EDIL3: variants seen among roughly 807,000 people sequenced by gnomAD.
The protein encoded by EDIL3 is EGF like and discoidin domains 3.
A neutral mutation model predicts 67.4 loss-of-function variants in EDIL3; 37 were observed. That is an observed-to-expected ratio of 0.55 (90% CI 0.42 to 0.72). The LOEUF is 0.72. EDIL3 is among the 30% of genes least tolerant of loss of function. The probability of loss-of-function intolerance (pLI) is 0.00; values close to 1 mark genes in which losing one functional copy is unlikely to be tolerated. For missense variants in EDIL3, 527 were observed against 586.3 expected (o/e 0.90, Z 1.04); for synonymous variants, 195 against 196.3 (o/e 0.99, Z 0.05).
In EDIL3 at chr5:84,254,256, T is replaced by C. The variant is rs531157106; in HGVS notation, c.68-44A>G. ...CCGAAATTGACATTTTTTTTTTGTC[T>C]TGGACATTGAAACATACTAGTTTAC... On this transcript the variant is annotated intron_variant, in intron 1 of 10. Transcript: ENST00000296591. 1.4e-4 allele frequency: 216 copies of C among 1,578,940 alleles called. 2 individuals carry two copies. In the South Asian group the frequency reaches 2.3e-3, roughly 17 times the overall value.
chr5:84,249,019 A>C (rs535674249), intron 2 of EDIL3, among the ~76,000 whole-genome samples: 1 of 152,288 alleles, frequency 6.6e-6, no homozygotes, highest in Admixed American at 6.5e-5. Flanking sequence ...AAATTTTTTT[A>C]AACACTGTAC....
intron 1 of EDIL3, among the ~76,000 whole-genome samples, chr5:84,334,256 G>A (rs1443094718): frequency 6.6e-6 from 1 of 151,942 alleles, no homozygotes; most frequent in African/African-American, 2.4e-5. Flanking sequence ...TAGAGACAGA[G>A]TTTCACCATG....
chr5:84,123,362 T>A (rs1349048374), intron 5 of EDIL3, among the ~76,000 whole-genome samples: 1 of 152,042 alleles, frequency 6.6e-6, no homozygotes, highest in Non-Finnish European at 1.5e-5. Flanking sequence ...TTTCTAATAG[T>A]CTTGTGTTTC....
At chr5:84,162,071 G>A (rs113529569) in intron 4 of EDIL3, among the ~76,000 whole-genome samples, 19 of 152,228 alleles carry the variant, frequency 1.2e-4, no homozygotes, top group African/African-American at 4.6e-4. Flanking sequence ...GATCCCAGGT[G>A]TGTGCCCACT....
At chr5:83,971,090 C>T (rs1169893107) in intron 9 of EDIL3, among the ~76,000 whole-genome samples, 1 of 151,272 alleles carries the variant, frequency 6.6e-6, no homozygotes, top group Non-Finnish European at 1.5e-5. Flanking sequence ...CAGAGAGTTT[C>T]TCCATTCTGT....
Position 84,064,764 on chromosome 5 carries a change from G to C in EDIL3, c.888C>G (p.Leu296=), listed in dbSNP as rs201445443. The change falls in exon 8 of 11, where the codon CTC becomes CTG. Residue 296 remains leucine (L), a synonymous_variant. Coordinates refer to ENST00000296591, the MANE Select transcript of EDIL3 (RefSeq NM_005711.5). The part of the protein sequence containing the change: ...TPPIKAQYVR[L]YPQVCRRHCT... Reference sequence around the variant, plus strand: ...AATGTCTTCGACAAACTTGGGGATAGAGTCTTACATACTGAGCTTTTATGG... The same window carrying C: ...AATGTCTTCGACAAACTTGGGGATACAGTCTTACATACTGAGCTTTTATGG... 6.5e-5 allele frequency: 105 copies of C among 1,613,912 alleles called. No homozygotes were observed. Among genetic ancestry groups the C allele is most frequent in the Admixed American group, 6.7e-5 (4 of 60,016 alleles).
At chr5:84,065,788 A>G (rs1746628667) in intron 7 of EDIL3, among the ~76,000 whole-genome samples, 1 of 152,162 alleles carries the variant, frequency 6.6e-6, no homozygotes, top group Non-Finnish European at 1.5e-5. Flanking sequence ...TTAAGAAAAT[A>G]GTTTTCATTA....
chr5:84,028,051 C>T (rs191928063), intron 9 of EDIL3, among the ~76,000 whole-genome samples: 3 of 152,230 alleles, frequency 2.0e-5, no homozygotes, highest in Non-Finnish European at 2.9e-5. Context: ...TAATCCTCCA[C>T]GTTTTTTCCT....
At chr5:84,379,662 G>A (rs1748036408) in intron 1 of EDIL3, among the ~76,000 whole-genome samples, 1 of 152,064 alleles carries the variant, frequency 6.6e-6, no homozygotes, top group African/African-American at 2.4e-5. Flanking sequence ...AAGGTACTTA[G>A]AAGACTCCCT....
intron 5 of EDIL3, among the ~76,000 whole-genome samples, chr5:84,116,297 T>C (rs997000837): frequency 1.7e-4 from 26 of 151,846 alleles, no homozygotes; most frequent in African/African-American, 5.8e-4. Context: ...CGAAAAGTTG[T>C]GGAAGAAATG....
intron 10 of EDIL3, among the ~76,000 whole-genome samples, chr5:83,955,888 A>AAATTAACTG: frequency 6.6e-6 from 1 of 151,962 alleles, no homozygotes. Context: ...TTTCACATTG[A>AAATTAACTG]CAGTGTTTAA....
chr5:84,261,117 G>A (rs72776579), intron 1 of EDIL3, among the ~76,000 whole-genome samples: 2 of 152,078 alleles, frequency 1.3e-5, no homozygotes, highest in African/African-American at 4.8e-5. Context: ...TTGTAGAAGC[G>A]AGAGTTTTGA....
chr5:83,983,498 A>G (rs973215494), intron 9 of EDIL3, among the ~76,000 whole-genome samples: 4 of 152,112 alleles, frequency 2.6e-5, no homozygotes, highest in Non-Finnish European at 4.4e-5. Context: ...TGAGTGAAGA[A>G]AAAGATCTCT....
chr5:83,947,369 C>G (rs12654044), intron 10 of EDIL3, among the ~76,000 whole-genome samples: 42,479 of 129,012 alleles, frequency 0.33, 6,510 homozygotes, highest in East Asian at 0.43. Context: ...GTGTCTGTGT[C>G]TGTGTGTGTG....
intron 3 of EDIL3, among the ~76,000 whole-genome samples, chr5:84,212,616 A>C (rs1744147353): frequency 1.3e-5 from 2 of 152,194 alleles, no homozygotes; most frequent in Non-Finnish European, 2.9e-5. Flanking sequence ...TACAGGAAAC[A>C]CAAGATCTAA....
rs570582045 is a variant in EDIL3, at chr5:84,120,923, G to A, written c.470-14093C>T. ...ATACTAAACACCTGTGTTCCTAAAA[G>A]GTCTGTAATTTCAGCAGAAAGATTG... On this transcript the variant is annotated intron_variant, in intron 5 of 10. Coordinates refer to ENST00000296591, the MANE Select transcript of EDIL3 (RefSeq NM_005711.5). 1.6e-4 allele frequency among the ~76,000 whole-genome samples: 25 copies of A among 151,962 alleles called. 2 individuals are homozygous for A. In the South Asian group the frequency reaches 3.3e-3, roughly 20 times the overall value.
intron 10 of EDIL3, among the ~76,000 whole-genome samples, chr5:83,954,525 C>T (rs1364878727): frequency 6.6e-6 from 1 of 151,636 alleles, no homozygotes; most frequent in East Asian, 2.0e-4. Context: ...CGTGATGAGC[C>T]TTCTCCCTCC....
intron 1 of EDIL3, among the ~76,000 whole-genome samples, chr5:84,321,497 T>C (rs149468892): frequency 0.016 from 2,425 of 152,230 alleles, 53 homozygotes; most frequent in African/African-American, 0.046. Flanking sequence ...TTTGGAACTA[T>C]TGAGTCTATG....
chr5:84,359,003 T>A (rs2112198902), intron 1 of EDIL3, among the ~76,000 whole-genome samples: 1 of 152,264 alleles, frequency 6.6e-6, no homozygotes, highest in African/African-American at 2.4e-5. Context: ...CAAGCCTCCC[T>A]GGGCAAGTAC....
Sources: gnomAD v4.1 joint callset for allele counts (sites outside exome capture counted in the v4.1 genomes callset) on GRCh38, gnomAD v4.1.1 for gene constraint, MANE v1.5 for transcripts, NCBI Gene and HGNC (gene_info 2026-07-23, HGNC 2026-07-21) for gene names.